The following LRRC49 variants were observed in gnomAD, a reference collection of about 807,000 sequenced individuals.
LRRC49 encodes the protein leucine rich repeat containing 49, also known as leucine-rich repeat-containing protein 49.
In LRRC49, 50 loss-of-function variants were observed where a neutral mutation model predicts 83.3. The ratio of observed to expected loss-of-function variants is 0.60; its 90% CI spans 0.48 to 0.76. LRRC49 has a LOEUF of 0.76. LRRC49 is among the 30% of genes least tolerant of loss of function. LRRC49 has a pLI of 0.00. For synonymous variants in LRRC49, 286 were observed against 283.3 expected (o/e 1.01, Z -0.10); for missense variants, 704 against 809.1 (o/e 0.87, Z 1.58).
chr15:71,006,592 A>G (rs1222403318), intron 11 of LRRC49, among the ~76,000 whole-genome samples: 1 of 152,054 alleles, frequency 6.6e-6, no homozygotes, highest in African/African-American at 2.4e-5. Flanking sequence ...AAACTTCATC[A>G]TTGTCCCACT....
intron 1 of LRRC49, chr15:70,860,007 G>A (rs751896055): frequency 1.7e-5 from 13 of 751,322 alleles, no homozygotes; most frequent in Non-Finnish European, 3.2e-5. Context: ...GACCTCACAA[G>A]CCCCGGCCTC....
upstream of LRRC49, among the ~76,000 whole-genome samples, chr15:70,890,947 T>C (rs1242167819): frequency 1.3e-5 from 2 of 152,174 alleles, no homozygotes; most frequent in African/African-American, 4.8e-5. Context: ...ATAATTTTGC[T>C]CTTTATCTTA....
intron 6 of LRRC49, among the ~76,000 whole-genome samples, chr15:70,917,003 C>T (rs2034807002): frequency 6.6e-6 from 1 of 152,210 alleles, no homozygotes; most frequent in African/African-American, 2.4e-5. Context: ...GGTGCCTGCT[C>T]CAATCTCAGA....
chr15:70,960,404 T>A (rs1157417844), intron 8 of LRRC49, among the ~76,000 whole-genome samples: 2 of 152,222 alleles, frequency 1.3e-5, no homozygotes, highest in African/African-American at 2.4e-5. Context: ...TGTGGTCTGA[T>A]GAGGAGTGAT....
intron 14 of LRRC49, among the ~76,000 whole-genome samples, chr15:71,035,639 T>G (rs932258702): frequency 2.9e-4 from 44 of 152,270 alleles, no homozygotes; most frequent in African/African-American, 1.1e-3. Flanking sequence ...GAATGATGGT[T>G]TCCAGCTTCA....
At chr15:70,928,170 C>G (rs887866473) in intron 7 of LRRC49, among the ~76,000 whole-genome samples, 7 of 152,124 alleles carry the variant, frequency 4.6e-5, no homozygotes, top group Non-Finnish European at 1.0e-4. Context: ...GTAATATATA[C>G]CAGATCCAGT....
At chr15:70,887,342 G>A (rs919384617) in intron 2 of LRRC49, among the ~76,000 whole-genome samples, 23 of 151,912 alleles carry the variant, frequency 1.5e-4, no homozygotes, top group African/African-American at 5.1e-4. Flanking sequence ...AGTTTCACTC[G>A]TGCACACAGA....
At chr15:70,948,096 GTGTGTGTGTA>G (rs1255068005) in intron 8 of LRRC49, among the ~76,000 whole-genome samples, 1 of 151,966 alleles carries the variant, frequency 6.6e-6, no homozygotes, top group Non-Finnish European at 1.5e-5. Context: ...CCCATTTCCT[GTGTGTGTGTA>G]TGTGTGTGCA....
chr15:70,894,138 C>A (rs576627754), intron 2 of LRRC49, among the ~76,000 whole-genome samples: 1 of 152,186 alleles, frequency 6.6e-6, no homozygotes, highest in African/African-American at 2.4e-5. Context: ...TGAAGCAATC[C>A]GCTTGCTTTG....
chr15:70,967,918 A>G (rs867461924), intron 9 of LRRC49, among the ~76,000 whole-genome samples: 24 of 152,038 alleles, frequency 1.6e-4, no homozygotes, highest in African/African-American at 5.6e-4. Flanking sequence ...AGGGTTATAG[A>G]ATAATGGAGC....
intron 2 of LRRC49, among the ~76,000 whole-genome samples, chr15:70,887,157 CTGTCT>C (rs1485054114): frequency 2.0e-5 from 3 of 152,194 alleles, no homozygotes; most frequent in East Asian, 1.9e-4. Flanking sequence ...AGGAAAACTC[CTGTCT>C]TATCAATGAG....
chr15:70,857,791 C>T lies in LRRC49; in HGVS notation c.-299+4322C>T, dbSNP rs115057975. The stretch of plus-strand genomic sequence containing the variant: ...CTTTGAAGCTGACTAGAAAAGCTCA[C>T]ACATAAGCAGCAGGGTATAATGGAA... On this transcript the variant is annotated intron_variant, in intron 1 of 16. Coordinates refer to the LRRC49 transcript ENST00000544974. Among the ~76,000 whole-genome samples, 567 of 152,334 alleles carry T rather than the reference C, an allele frequency of 3.7e-3. 4 individuals are homozygous for T. The highest frequency in any genetic ancestry group is 0.013 in the African/African-American group (550 of 41,570).
chr15:70,935,238 T>C (rs2035555271), intron 7 of LRRC49, among the ~76,000 whole-genome samples: 1 of 152,128 alleles, frequency 6.6e-6, no homozygotes, highest in Non-Finnish European at 1.5e-5. Flanking sequence ...TAATGTCAAA[T>C]GAATGGTATA....
At chr15:70,948,961 C>T (rs149723207) in intron 8 of LRRC49, among the ~76,000 whole-genome samples, 4 of 152,226 alleles carry the variant, frequency 2.6e-5, no homozygotes, top group African/African-American at 9.6e-5. Flanking sequence ...CCCTTTGTAA[C>T]ACAAAAGCAG....
intron 8 of LRRC49, among the ~76,000 whole-genome samples, chr15:70,937,901 A>G (rs116437415): frequency 0.012 from 1,848 of 152,078 alleles, 44 homozygotes; most frequent in African/African-American, 0.042. Flanking sequence ...CCATTATTCT[A>G]TCTTGTTGGG....
At chr15:70,952,063 C>T (rs969953948) in intron 8 of LRRC49, among the ~76,000 whole-genome samples, 1 of 152,046 alleles carries the variant, frequency 6.6e-6, no homozygotes, top group African/African-American at 2.4e-5. Context: ...TGGTGAATCA[C>T]ATTTATTGAT....
At chr15:71,047,839 C>T (rs1037118624) in intron 15 of LRRC49, among the ~76,000 whole-genome samples, 5 of 151,454 alleles carry the variant, frequency 3.3e-5, no homozygotes, top group Non-Finnish European at 5.9e-5. Context: ...TGCAGTGGCA[C>T]GACCTCAGCT....
At chr15:70,894,690 A>T in intron 2 of LRRC49, 1 of 1,090,358 alleles carries the variant, frequency 9.2e-7, no homozygotes, top group Non-Finnish European at 1.2e-6. Flanking sequence ...AAAAGTTATT[A>T]AATAGGCGTC....
At chr15:70,900,662 C>T in intron 3 of LRRC49, 3 of 482,452 alleles carry the variant, frequency 6.2e-6, no homozygotes, top group South Asian at 5.0e-5. Flanking sequence ...ATGAAGATAG[C>T]ACTGGACTAG....
Sources: gnomAD v4.1 joint callset for allele counts (sites outside exome capture counted in the v4.1 genomes callset) on GRCh38, gnomAD v4.1.1 for gene constraint, MANE v1.5 for transcripts, NCBI Gene and HGNC (gene_info 2026-07-23, HGNC 2026-07-21) for gene names.